The following MSRA variants were observed in gnomAD, a reference collection of about 807,000 sequenced individuals.
The protein encoded by MSRA is methionine sulfoxide reductase A.
In MSRA, 54 loss-of-function variants were observed where a neutral mutation model predicts 31.3. That is an observed-to-expected ratio of 1.73 (90% CI 1.39 to 2.17). The LOEUF (loss-of-function observed/expected upper bound fraction) is 2.17, where lower values mean the gene tolerates loss of function less well. Ranked by LOEUF, MSRA falls within the 30% of genes most tolerant of loss-of-function variation. The probability of loss-of-function intolerance (pLI) is 0.00; values close to 1 mark genes in which losing one functional copy is unlikely to be tolerated. For missense variants in MSRA, 507 were observed against 300.9 expected (o/e 1.69, Z -5.07); for synonymous variants, 169 against 116.5 (o/e 1.45, Z -2.90).
chr8:10,390,783 A>G (rs1806692879), intron 5 of MSRA, among the ~76,000 whole-genome samples: 1 of 152,256 alleles, frequency 6.6e-6, no homozygotes, highest in Non-Finnish European at 1.5e-5. Context: ...CTACATGTTA[A>G]AACAGCACAA....
intron 3 of MSRA, among the ~76,000 whole-genome samples, chr8:10,259,673 C>T (rs920060652): frequency 7.2e-5 from 11 of 152,210 alleles, no homozygotes; most frequent in Middle Eastern, 6.8e-3. Flanking sequence ...GAAGGTAGAC[C>T]GTCCTGGGAA....
chr8:10,275,357 T>C (rs1202065672), intron 3 of MSRA, among the ~76,000 whole-genome samples: 1 of 152,208 alleles, frequency 6.6e-6, no homozygotes, highest in Admixed American at 6.5e-5. Flanking sequence ...TGACTCCCCG[T>C]GTTTTATTTC....
At chr8:10,271,882 C>G (rs1799062258) in intron 3 of MSRA, among the ~76,000 whole-genome samples, 1 of 152,086 alleles carries the variant, frequency 6.6e-6, no homozygotes, top group Non-Finnish European at 1.5e-5. Flanking sequence ...CCACGCCCAG[C>G]TAATTTTGTA....
intron 1 of MSRA, among the ~76,000 whole-genome samples, chr8:10,161,425 C>A (rs989894108): frequency 2.0e-5 from 3 of 152,052 alleles, no homozygotes; most frequent in Non-Finnish European, 4.4e-5. Flanking sequence ...TTTGATTTAC[C>A]CTGTGCAAAG....
intron 1 of MSRA, among the ~76,000 whole-genome samples, chr8:10,062,480 C>T (rs558952546): frequency 5.5e-4 from 84 of 152,332 alleles, no homozygotes; most frequent in Middle Eastern, 6.8e-3. Context: ...TTGACTTACT[C>T]TTTGTACCCG....
intron 1 of MSRA, among the ~76,000 whole-genome samples, chr8:10,104,145 C>T (rs990346147): frequency 6.6e-6 from 1 of 152,138 alleles, no homozygotes; most frequent in Non-Finnish European, 1.5e-5. Flanking sequence ...CTGCTTTGTG[C>T]TACCCATGCT....
chr8:10,393,600 G>T (rs1806904187), intron 5 of MSRA, among the ~76,000 whole-genome samples: 1 of 152,202 alleles, frequency 6.6e-6, no homozygotes, highest in Non-Finnish European at 1.5e-5. Flanking sequence ...GGGATACCTA[G>T]TTGTATGGCT....
At chr8:10,377,003 C>T (rs1356582868) in intron 5 of MSRA, among the ~76,000 whole-genome samples, 1 of 152,148 alleles carries the variant, frequency 6.6e-6, no homozygotes, top group African/African-American at 2.4e-5. Flanking sequence ...GTTGTGTGAC[C>T]TCGGGTAAGC....
chr8:10,428,053 G>A (rs1383711362), intron 5 of MSRA, 95 bp from the exon 6 acceptor site: 31 of 1,381,822 alleles, frequency 2.2e-5, no homozygotes, highest in East Asian at 7.3e-5. Flanking sequence ...CAAGCCACGC[G>A]TCTGCTCACT....
chr8:10,287,120 T>A (rs144809757), intron 3 of MSRA, among the ~76,000 whole-genome samples: 50 of 152,292 alleles, frequency 3.3e-4, no homozygotes, highest in African/African-American at 1.2e-3. Context: ...TCATCAGAGA[T>A]CTACTAGTCA....
At position 10,091,271 on chromosome 8, in the gene MSRA, TA is replaced by T. The variant is rs200172273; in HGVS notation, c.142+36618del. 1.8e-4 allele frequency among the ~76,000 whole-genome samples: 28 copies of T among 152,362 alleles called. No individual in the cohort carries two copies. In the East Asian group the frequency reaches 4.8e-3, roughly 26 times the overall value. ...TTTACTTATGTTCATTATTCACATT[TA>T]AAAAGTGACAAAAATTGTATTTATG... On this transcript the variant is annotated intron_variant, in intron 1 of 5. Coordinates refer to ENST00000317173, the MANE Select transcript of MSRA (RefSeq NM_012331.5).
chr8:10,348,894 G>A (rs78821038), intron 5 of MSRA, among the ~76,000 whole-genome samples: 2,181 of 152,208 alleles, frequency 0.014, 56 homozygotes, highest in African/African-American at 0.05. Context: ...AGCATGGTGG[G>A]AAAGAGGGAA....
chr8:10,377,007 G>C (rs1019464049), intron 5 of MSRA, among the ~76,000 whole-genome samples: 1 of 152,186 alleles, frequency 6.6e-6, no homozygotes, highest in Non-Finnish European at 1.5e-5. Context: ...TGTGACCTCG[G>C]GTAAGCCACT....
intron 3 of MSRA, among the ~76,000 whole-genome samples, chr8:10,298,442 G>A (rs1800659758): frequency 6.6e-6 from 1 of 152,142 alleles, no homozygotes; most frequent in South Asian, 2.1e-4. Flanking sequence ...ACAAGAAAGT[G>A]GAAAGGGGGT....
intron 1 of MSRA, among the ~76,000 whole-genome samples, chr8:10,090,351 A>T (rs565268333): frequency 6.6e-6 from 1 of 152,300 alleles, no homozygotes; most frequent in South Asian, 2.1e-4. Context: ...GGAACCAAGA[A>T]GTCAAAACAG....
chr8:10,257,718 G>C (rs1023522449), intron 3 of MSRA, among the ~76,000 whole-genome samples: 1 of 152,178 alleles, frequency 6.6e-6, no homozygotes, highest in African/African-American at 2.4e-5. Flanking sequence ...AAGTACAGTT[G>C]TCTCTCCGTG....
intron 1 of MSRA, among the ~76,000 whole-genome samples, chr8:10,132,323 T>C (rs1801954584): frequency 6.6e-6 from 1 of 152,232 alleles, no homozygotes; most frequent in South Asian, 2.1e-4. Context: ...TCTGTTCTTT[T>C]TGTCACTGAA....
At chr8:10,103,030 G>A (rs1799640358) in intron 1 of MSRA, among the ~76,000 whole-genome samples, 1 of 152,158 alleles carries the variant, frequency 6.6e-6, no homozygotes, top group Admixed American at 6.6e-5. Flanking sequence ...TAGCTACCCA[G>A]AGATTAGTAT....
intron 2 of MSRA, among the ~76,000 whole-genome samples, chr8:10,240,738 G>C (rs183581910): frequency 2.6e-5 from 4 of 152,078 alleles, no homozygotes; most frequent in Non-Finnish European, 4.4e-5. Flanking sequence ...CCTTACCCCT[G>C]TCTTTCCTGG....
Sources: allele counts gnomAD v4.1 joint callset (sites outside exome capture counted in the v4.1 genomes callset), GRCh38; gene constraint gnomAD v4.1.1; transcripts MANE v1.5; gene names NCBI Gene and HGNC (gene_info 2026-07-23, HGNC 2026-07-21).